BLZF1: variants seen among roughly 807,000 people sequenced by gnomAD.
BLZF1 encodes golgin-45.
A neutral mutation model predicts 43.8 loss-of-function variants in BLZF1; 39 were observed. That is an observed-to-expected ratio of 0.89 (90% CI 0.69 to 1.16). The LOEUF (loss-of-function observed/expected upper bound fraction) is 1.16. BLZF1 is among the 50% of genes most tolerant of loss of function. The pLI is 0.00. For synonymous variants in BLZF1, 136 were observed against 159.4 expected (o/e 0.85, Z 1.11); for missense variants, 449 against 469.8 (o/e 0.96, Z 0.41).
intron 5 of BLZF1, among the ~76,000 whole-genome samples, 166 bp downstream of exon 5, chr1:169,380,775 GA>G (rs2102015363): frequency 6.6e-6 from 1 of 152,184 alleles, no homozygotes; most frequent in Admixed American, 6.5e-5. Flanking sequence ...CTCTGGGAGG[GA>G]AGAGGACTGA....
chr1:169,370,088 C>T (rs1654058786), intron 2 of BLZF1, among the ~76,000 whole-genome samples: 1 of 152,230 alleles, frequency 6.6e-6, no homozygotes, highest in African/African-American at 2.4e-5. Flanking sequence ...TGCTGGCAGT[C>T]TTTGGTGCTC....
At position 169,376,994 on chromosome 1, in the gene BLZF1, A is replaced by G; in HGVS notation, c.468+15A>G. ...TACAGACAGAGGTAAGAAGAGCCTT[A>G]ATCGATAAAATGAGTACTACTCTTT... On this transcript the variant is annotated intron_variant, in intron 3 of 6. Transcript: ENST00000367808. 6.3e-7 allele frequency: 1 copy of G among 1,599,756 alleles called. No individual in the cohort carries two copies. The highest frequency in any genetic ancestry group is 1.7e-5 in the Admixed American group (1 of 58,684).
chr1:169,392,639 C>T (rs1654842923), downstream of BLZF1, among the ~76,000 whole-genome samples: 1 of 152,090 alleles, frequency 6.6e-6, no homozygotes, highest in East Asian at 1.9e-4. Context: ...TCTTTGTATG[C>T]TAATGAAATG....
Position 169,380,596 on chromosome 1 carries a change from A to G in BLZF1, c.784A>G (p.Ile262Val). 6.2e-7 allele frequency: 1 copy of G among 1,612,752 alleles called. No individual in the cohort carries two copies. ...ACGGGAACAGTTTCGTCAAGAAATG[A>G]TAGCTACCCAGAAGTATGGCACTTG... ...SEREQFRQEM[I>V]ATQKLLEELL... The change falls in exon 5 of 7, where the codon ATA becomes GTA. Residue 262 changes from isoleucine (I) to valine (V), a missense_variant. Physicochemically the swap from Ile to Val is conservative, Grantham distance 29. Coordinates refer to ENST00000367808, the MANE Select transcript of BLZF1 (RefSeq NM_001320973.2).
intron 2 of BLZF1, among the ~76,000 whole-genome samples, chr1:169,375,721 A>G (rs1654296603): frequency 6.6e-6 from 1 of 151,522 alleles, no homozygotes; most frequent in Non-Finnish European, 1.5e-5. Flanking sequence ...TCATCATTAT[A>G]ACCATTGTTA....
chr1:169,385,781 G>A (rs1654648741), intron 6 of BLZF1, among the ~76,000 whole-genome samples: 1 of 152,112 alleles, frequency 6.6e-6, no homozygotes, highest in African/African-American at 2.4e-5. Flanking sequence ...TCTTAGAGTA[G>A]TGATGGCTCT....
intron 2 of BLZF1, among the ~76,000 whole-genome samples, chr1:169,375,799 C>CATAT (rs143041398): frequency 1.3e-5 from 2 of 148,856 alleles, no homozygotes; most frequent in South Asian, 2.1e-4. Flanking sequence ...AACATATATA[C>CATAT]ATATATATAT....
At chr1:169,374,056 C>G (rs1654212872) in intron 2 of BLZF1, among the ~76,000 whole-genome samples, 1 of 152,090 alleles carries the variant, frequency 6.6e-6, no homozygotes, top group South Asian at 2.1e-4. Flanking sequence ...TTTAGACAAA[C>G]TTAAAATCAG....
Position 169,387,910 on chromosome 1 carries a change from A to G in BLZF1, c.*728A>G, listed in dbSNP as rs930348002. The G allele has an allele frequency of 2.6e-5, 4 of 152,246 alleles. No homozygotes were observed. The highest frequency in any genetic ancestry group is 6.5e-5 in the Admixed American group (1 of 15,288). 9.4% of individuals were successfully genotyped at this position (152,246 alleles called of 1,614,324 possible). A position where few individuals can be genotyped will look rare whatever the true frequency, so the allele number is the denominator to read the frequency against. On this transcript the variant is annotated 3_prime_UTR_variant, in exon 7 of 7. Coordinates refer to ENST00000367808, the MANE Select transcript of BLZF1 (RefSeq NM_001320973.2). The stretch of plus-strand genomic sequence containing the variant: ...GTATTCCAAATGGATACAATCCGAC[A>G]TATATAAAAGAAACAGATTCTTAAC...
At position 169,376,390 on chromosome 1, in the gene BLZF1, CAT is replaced by C. The variant is rs570045267; in HGVS notation, c.29-149_29-148del. 7.7e-4 allele frequency: 484 copies of C among 627,388 alleles called. 1 individual carries two copies. The African/African-American group carries it at 7.8e-3, about 10-fold the overall frequency. The allele number at this position is 627,388 out of a possible 1,614,324, so 38.9% of individuals were successfully genotyped here. On this transcript the variant is annotated intron_variant, in intron 2 of 6. Transcript: ENST00000367808. Reference sequence around the variant, plus strand: ...TTTAAACATGTATCTTTTGTTGACACATGATTGTTTTGAAAATTACTTTTTCT... The same window carrying C: ...TTTAAACATGTATCTTTTGTTGACACGATTGTTTTGAAAATTACTTTTTCT...
intron 1 of BLZF1, among the ~76,000 whole-genome samples, chr1:169,368,798 CT>C (rs1653995995): frequency 6.6e-6 from 1 of 151,992 alleles, no homozygotes; most frequent in Non-Finnish European, 1.5e-5. Flanking sequence ...TGAGAACGAT[CT>C]TTTTTTGTAG....
intron 2 of BLZF1, among the ~76,000 whole-genome samples, chr1:169,370,143 C>T (rs1439620111): frequency 6.6e-6 from 1 of 152,328 alleles, no homozygotes; most frequent in Admixed American, 6.5e-5. Context: ...TTCATATTCA[C>T]ATGGCATTCT....
At chr1:169,379,893 T>C (rs991450206) in intron 4 of BLZF1, among the ~76,000 whole-genome samples, 6 of 152,068 alleles carry the variant, frequency 3.9e-5, no homozygotes, top group African/African-American at 1.2e-4. Context: ...AACTAAGATT[T>C]AGAAAAGTTC....
chr1:169,383,903 A>G (rs1467057923), intron 6 of BLZF1, among the ~76,000 whole-genome samples: 2 of 152,064 alleles, frequency 1.3e-5, no homozygotes, highest in Admixed American at 1.3e-4. Context: ...AGCTTTCTTT[A>G]CATAACATAC....
chr1:169,372,820 A>G (rs943151763), intron 2 of BLZF1, among the ~76,000 whole-genome samples: 1 of 152,046 alleles, frequency 6.6e-6, no homozygotes, highest in African/African-American at 2.4e-5. Context: ...TTTTGCCTCA[A>G]TATTCTAGAG....
chr1:169,395,953 A>T (rs1655008672), exon 8 of BLZF1: 1 of 151,662 alleles, frequency 6.6e-6, no homozygotes. Context: ...TCATAATCTG[A>T]TGATATGTGG....
Position 169,371,734 on chromosome 1 carries a change from A to G in BLZF1, c.28+2184A>G, listed in dbSNP as rs532898212. Among the ~76,000 whole-genome samples the G allele has an allele frequency of 2.0e-5, 3 of 152,318 alleles. No individual in the cohort carries two copies. In the South Asian group the frequency reaches 6.2e-4, roughly 32 times the overall value. ...ATACAGTAAATAGTAACAATTAGAA[A>G]CTTAAAATCCAAAGCTTTTCTTGGA... On this transcript the variant is annotated intron_variant, in intron 2 of 6. Transcript: ENST00000367808.
rs139214517 is a variant in BLZF1 at position 169,369,596 on chromosome 1, C to T, written c.28+46C>T. 7.2e-5 allele frequency: 105 copies of T among 1,457,938 alleles called. No individual in the cohort carries two copies. The African/African-American group carries it at 1.2e-3, about 16-fold the overall frequency. 90.3% of individuals were successfully genotyped at this position (1,457,938 alleles called of 1,614,324 possible). ...TGTTTTTAAAACATGACATTTATGA[C>T]GATGTGAAGGAACGTTTGAGCCAGA... On this transcript the variant is annotated intron_variant, in intron 2 of 6. Transcript: ENST00000367808.
chr1:169,374,029 T>G (rs1458995171), intron 2 of BLZF1, among the ~76,000 whole-genome samples: 1 of 152,070 alleles, frequency 6.6e-6, no homozygotes, highest in East Asian at 1.9e-4. Flanking sequence ...TTGACAAGAT[T>G]AGACAAGTTA....
Sources: allele counts gnomAD v4.1 joint callset (sites outside exome capture counted in the v4.1 genomes callset), GRCh38; gene constraint gnomAD v4.1.1; transcripts MANE v1.5; gene names NCBI Gene and HGNC (gene_info 2026-07-23, HGNC 2026-07-21).